Variants in KATNA1 observed in about 807,000 individuals in gnomAD.
KATNA1 encodes the protein katanin catalytic subunit A1, also known as katanin p60 ATPase-containing subunit A1.
A neutral mutation model predicts 62.6 loss-of-function variants in KATNA1; 42 were observed. The observed-to-expected ratio is 0.67, with a 90% CI of 0.52 to 0.87. The LOEUF (loss-of-function observed/expected upper bound fraction) is 0.87. Ranked by LOEUF, KATNA1 falls within the 40% of genes least tolerant of loss-of-function variation. The pLI, the probability that KATNA1 is intolerant of heterozygous loss-of-function variation, is 0.00. For synonymous variants in KATNA1, 186 were observed against 201.9 expected (o/e 0.92, Z 0.67); for missense variants, 498 against 612.5 (o/e 0.81, Z 1.97).
chr6:149,596,401 G>A (rs537978175), intron 10 of KATNA1, among the ~76,000 whole-genome samples: 21 of 152,258 alleles, frequency 1.4e-4, no homozygotes, highest in South Asian at 4.1e-4. Flanking sequence ...CAGGTGTGGT[G>A]GTGCATGCCT....
intron 1 of KATNA1, among the ~76,000 whole-genome samples, chr6:149,646,289 CA>C: frequency 6.6e-6 from 1 of 152,190 alleles, no homozygotes; most frequent in Non-Finnish European, 1.5e-5. Context: ...TATTATTAAA[CA>C]CAGACTAAAA....
chr6:149,618,088 G>A (rs1270967983), intron 4 of KATNA1, among the ~76,000 whole-genome samples: 2 of 149,284 alleles, frequency 1.3e-5, no homozygotes, highest in Non-Finnish European at 3.0e-5. Context: ...CTGGGAGGCG[G>A]AGGTTGCAGT....
rs190008940 is a variant in KATNA1, at chr6:149,611,337, C to T, written c.502-6555G>A. Among the ~76,000 whole-genome samples the T allele has an allele frequency of 3.8e-3, 579 of 151,156 alleles. 4 individuals carry two copies. Among genetic ancestry groups the T allele is most frequent in the African/African-American group, 0.013 (552 of 41,264 alleles). On this transcript the variant is annotated intron_variant, in intron 4 of 10. Coordinates refer to ENST00000367411, the MANE Select transcript of KATNA1 (RefSeq NM_007044.4). ...ATTAGCTGAGAGTGGTGGCGGGGGC[C>T]TGTAATCTCAGCTACTCAGGAGGCT...
intron 4 of KATNA1, among the ~76,000 whole-genome samples, chr6:149,611,282 C>T (rs564761114): frequency 1.3e-5 from 2 of 151,678 alleles, no homozygotes; most frequent in African/African-American, 2.4e-5. Context: ...CCCACCACAG[C>T]GAAACCCTGT....
At chr6:149,613,553 A>C (rs1028845821) in intron 4 of KATNA1, among the ~76,000 whole-genome samples, 3 of 152,312 alleles carry the variant, frequency 2.0e-5, no homozygotes, top group Non-Finnish European at 1.5e-5. Context: ...AAAATCAATT[A>C]TTGGGACAGG....
chr6:149,618,796 A>G (rs1194969971), intron 4 of KATNA1, among the ~76,000 whole-genome samples: 4 of 152,138 alleles, frequency 2.6e-5, no homozygotes, highest in Admixed American at 6.6e-5. Context: ...AAGGAGCTAG[A>G]CCCCCTAACT....
At chr6:149,612,824 T>A (rs1779009957) in intron 4 of KATNA1, among the ~76,000 whole-genome samples, 1 of 151,894 alleles carries the variant, frequency 6.6e-6, no homozygotes, top group Admixed American at 6.6e-5. Flanking sequence ...ATCAATATAA[T>A]CCACTATATT....
chr6:149,595,266 A>G, intron 10 of KATNA1, 32 bp from the exon 11 acceptor site: 1 of 1,553,044 alleles, frequency 6.4e-7, no homozygotes, highest in South Asian at 1.1e-5. Context: ...ACAACAACAC[A>G]CACAATGTTA....
rs567049431 is a variant in KATNA1, at chr6:149,640,513, G to T, written c.-13-1953C>A. ...AAAGCTCCAGGCCCAGATGATTTCT[G>T]TAAGTATGGTGGGGGTTTTTTTGGG... is the stretch of plus-strand genomic sequence containing the variant. On this transcript the variant is annotated intron_variant, in intron 1 of 10. Transcript: ENST00000367411. Among the ~76,000 whole-genome samples the T allele has an allele frequency of 3.3e-5, 5 of 152,098 alleles. No homozygotes were observed. The East Asian group carries it at 7.7e-4, about 24-fold the overall frequency.
chr6:149,608,530 C>G (rs1345952417), intron 4 of KATNA1, among the ~76,000 whole-genome samples: 1 of 152,214 alleles, frequency 6.6e-6, no homozygotes, highest in African/African-American at 2.4e-5. Context: ...GTGGCCCCGG[C>G]CCCACCCAGG....
At chr6:149,620,640 A>G (rs1457536327) in intron 4 of KATNA1, among the ~76,000 whole-genome samples, 1 of 152,192 alleles carries the variant, frequency 6.6e-6, no homozygotes, top group East Asian at 1.9e-4. Flanking sequence ...TCAAATAACT[A>G]GAAGAACAGA....
chr6:149,625,233 C>T (rs1208978624), intron 3 of KATNA1, among the ~76,000 whole-genome samples: 2 of 152,042 alleles, frequency 1.3e-5, no homozygotes, highest in African/African-American at 4.8e-5. Flanking sequence ...ATAAAGAAAA[C>T]ACAGAAAGCA....
At chr6:149,628,922 A>G (rs1429885406) in intron 3 of KATNA1, among the ~76,000 whole-genome samples, 1 of 152,174 alleles carries the variant, frequency 6.6e-6, no homozygotes, top group Non-Finnish European at 1.5e-5. Context: ...CAGTTAAGAG[A>G]GCAAGTAAAA....
chr6:149,637,436 A>G (rs1477938008), intron 2 of KATNA1, among the ~76,000 whole-genome samples: 1 of 152,144 alleles, frequency 6.6e-6, no homozygotes, highest in African/African-American at 2.4e-5. Context: ...TACCTGTGAG[A>G]TTCACAAGCC....
chr6:149,611,798 G>T (rs1016904746), intron 4 of KATNA1, among the ~76,000 whole-genome samples: 2 of 152,058 alleles, frequency 1.3e-5, no homozygotes, highest in Non-Finnish European at 2.9e-5. Context: ...AGGAGATCGA[G>T]ACCATCCTGG....
chr6:149,628,989 T>G (rs1047576354), intron 3 of KATNA1, among the ~76,000 whole-genome samples: 5 of 152,082 alleles, frequency 3.3e-5, no homozygotes, highest in Admixed American at 3.3e-4. Context: ...AACTTACCAG[T>G]AATCTAGAGC....
chr6:149,639,784 T>C (rs576332658), intron 1 of KATNA1, among the ~76,000 whole-genome samples: 1 of 152,290 alleles, frequency 6.6e-6, no homozygotes, highest in East Asian at 1.9e-4. Context: ...ACTGTGACTT[T>C]CATCCCAAGA....
At chr6:149,632,709 A>T (rs753412658) in intron 3 of KATNA1, 50 bp downstream of exon 3, 3 of 1,517,952 alleles carry the variant, frequency 2.0e-6, no homozygotes, top group Non-Finnish European at 2.7e-6. Flanking sequence ...AATATAATCA[A>T]TGCTATAAGC....
At chr6:149,618,885 T>C (rs891887929) in intron 4 of KATNA1, among the ~76,000 whole-genome samples, 2 of 152,090 alleles carry the variant, frequency 1.3e-5, no homozygotes, top group Non-Finnish European at 2.9e-5. Flanking sequence ...TATTAGAAGA[T>C]GATGTAGGAG....
Sources: allele counts gnomAD v4.1 joint callset (sites outside exome capture counted in the v4.1 genomes callset), GRCh38; gene constraint gnomAD v4.1.1; transcripts MANE v1.5; gene names NCBI Gene and HGNC (gene_info 2026-07-23, HGNC 2026-07-21).